The following PHEX variants were observed in gnomAD, a reference collection of about 807,000 sequenced individuals.
PHEX encodes phosphate-regulating neutral endopeptidase PHEX.
PHEX carries 16 observed loss-of-function variants against 68.0 expected under a neutral mutation model. That is an observed-to-expected ratio of 0.24 (90% CI 0.16 to 0.36). The LOEUF (loss-of-function observed/expected upper bound fraction) is 0.36, where lower values mean the gene tolerates loss of function less well. PHEX is among the 10% of genes least tolerant of loss of function. The pLI, the probability that PHEX is intolerant of heterozygous loss-of-function variation, is 1.00. For synonymous variants in PHEX, 208 were observed against 205.1 expected, an observed-to-expected ratio of 1.01 and a Z score of -0.12; for missense variants, 480 against 575.5, an observed-to-expected ratio of 0.83 and a Z score of 1.70.
intron 11 of PHEX, among the ~76,000 whole-genome samples, chrX:22,124,201 C>T (rs759906635): frequency 8.9e-6 from 1 of 111,858 alleles, no homozygotes; most frequent in South Asian, 3.7e-4. Flanking sequence ...CAAATATCAT[C>T]CGGTCCCAAT....
At chrX:22,109,751 ATTC>A (rs1569395745) in intron 9 of PHEX, among the ~76,000 whole-genome samples, 4 of 112,073 alleles carry the variant, frequency 3.6e-5, no homozygotes, top group Non-Finnish European at 5.6e-5. Context: ...GAGATCACAC[ATTC>A]TTCTGAGGTC....
intron 20 of PHEX, among the ~76,000 whole-genome samples, chrX:22,235,740 A>ATAGT (rs1181859044): frequency 1.8e-5 from 2 of 110,447 alleles, no homozygotes; most frequent in African/African-American, 6.8e-5. Flanking sequence ...CTTATCATAT[A>ATAGT]TAGTTAGTTA....
intron 20 of PHEX, among the ~76,000 whole-genome samples, chrX:22,237,014 G>A (rs1365259731): frequency 4.5e-5 from 5 of 112,248 alleles, no homozygotes; most frequent in Non-Finnish European, 9.4e-5. Context: ...TATCACTAGT[G>A]AGAAATTTAT....
At chrX:22,244,692 G>A (rs1254267107) in intron 20 of PHEX, among the ~76,000 whole-genome samples, 1 of 111,851 alleles carries the variant, frequency 8.9e-6, no homozygotes, top group Non-Finnish European at 1.9e-5. Flanking sequence ...AAAGACATAC[G>A]AGGATATGTG....
chrX:22,168,472 A>G (rs1339134535), intron 13 of PHEX, 83 bp downstream of exon 13: 6 of 624,792 alleles, frequency 9.6e-6, no homozygotes, highest in Admixed American at 2.3e-5. Context: ...AGTCCTAGCA[A>G]TTAAAACTGG....
chrX:22,161,706 T>C (rs150630993), intron 12 of PHEX, among the ~76,000 whole-genome samples: 7,039 of 111,431 alleles, frequency 0.063, 197 homozygotes, highest in Middle Eastern at 0.094. Context: ...ATTAGAAGAT[T>C]CTCTCAGCTA....
chrX:22,214,780 G>A lies in PHEX; in HGVS notation c.1700+1822G>A, dbSNP rs3830082. Among the ~76,000 whole-genome samples, 748 of 111,662 alleles carry A rather than the reference G, an allele frequency of 6.7e-3. 7 individuals carry two copies. The highest frequency in any genetic ancestry group is 0.052 in the Admixed American group (540 of 10,460). On this transcript the variant is annotated intron_variant, in intron 16 of 21. Coordinates refer to ENST00000379374, the MANE Select transcript of PHEX (RefSeq NM_000444.6). ...CAAAAATAGTGAGGGCTACGAGGAC[G>A]TGGGCAGCCATCGATAAAGCTTACT...
intron 12 of PHEX, among the ~76,000 whole-genome samples, chrX:22,146,591 C>A (rs965722333): frequency 9.0e-6 from 1 of 111,270 alleles, no homozygotes; most frequent in Non-Finnish European, 1.9e-5. Flanking sequence ...CTGAGGCAGG[C>A]GGATCACTTG....
Position 22,132,981 on chromosome X carries a change from G to A in PHEX, c.1303-542G>A, listed in dbSNP as rs758524128. 6.3e-5 allele frequency among the ~76,000 whole-genome samples: 7 copies of A among 110,551 alleles called. No homozygotes were observed. The South Asian group carries it at 2.8e-3, about 44-fold the overall frequency. ...GGCTCACTGCAACCTCCACCTCTTG[G>A]GCTCAAGCAATCCTCTCACTTCAGC... On this transcript the variant is annotated intron_variant, in intron 11 of 21. Coordinates refer to ENST00000379374, the MANE Select transcript of PHEX (RefSeq NM_000444.6).
chrX:22,168,369 G>T lies in PHEX; in HGVS notation c.1462G>T (p.Val488Phe). Residue 488 changes from valine to phenylalanine, a missense_variant, in exon 13 of 22, where the codon GTT becomes TTT. Transcript: ENST00000379374. ...AGAGTTTATAATGAATGATACTCAT[G>T]TTAATGAAGACCTCAAAGCTGTAAG... ...YPEFIMNDTH[V>F]NEDLKAIKFS... 1 of 1,180,256 alleles carries T rather than the reference G, an allele frequency of 8.5e-7. No homozygotes were observed. Among genetic ancestry groups the T allele is most frequent in the Middle Eastern group, 2.4e-4 (1 of 4,185 alleles).
At chrX:22,042,418 C>G (rs773982869) in intron 2 of PHEX, among the ~76,000 whole-genome samples, 1 of 111,994 alleles carries the variant, frequency 8.9e-6, no homozygotes, top group Admixed American at 9.5e-5. Context: ...TATATAGCCA[C>G]GCTAAGCCTC....
At chrX:22,215,128 T>C (rs2301325) in intron 16 of PHEX, among the ~76,000 whole-genome samples, 34,912 of 110,657 alleles carry the variant, frequency 0.32, 4,202 homozygotes, top group Middle Eastern at 0.37. Context: ...TCTGAAGTTA[T>C]TGATGAAGTA....
At position 22,226,473 on chromosome X, in the gene PHEX, A is replaced by G. The variant is rs1180774758; in HGVS notation, c.1930A>G (p.Ile644Val). The change falls in exon 19 of 22, where the codon ATT becomes GTT. Residue 644 changes from isoleucine to valine, a missense_variant. Transcript: ENST00000379374. ...VKGKRTLGEN[I>V]ADNGGLREAF... is the part of the protein sequence containing the mutation. ...GGGGAAGAGGACCCTGGGAGAAAAT[A>G]TTGCTGATAATGGAGGCCTGCGGGA... The G allele has an allele frequency of 8.3e-7, 1 of 1,204,499 alleles. No individual in the cohort carries two copies. The highest frequency in any genetic ancestry group is 1.8e-5 in the African/African-American group (1 of 56,624).
intron 7 of PHEX, among the ~76,000 whole-genome samples, chrX:22,096,461 C>T (rs1463133720): frequency 8.9e-6 from 1 of 111,778 alleles, no homozygotes; most frequent in Non-Finnish European, 1.9e-5. Context: ...GCCAAAGAGA[C>T]AAGAGGGGAA....
At chrX:22,235,097 C>T (rs968756145) in intron 20 of PHEX, among the ~76,000 whole-genome samples, 1 of 111,567 alleles carries the variant, frequency 9.0e-6, no homozygotes, top group African/African-American at 3.3e-5. Context: ...AATTCCCCGA[C>T]CCCTTGCACT....
intron 12 of PHEX, among the ~76,000 whole-genome samples, chrX:22,154,639 A>C (rs780769962): frequency 9.0e-6 from 1 of 111,612 alleles, no homozygotes; most frequent in Non-Finnish European, 1.9e-5. Context: ...CAATAGTGCC[A>C]AGGTTGAGAA....
chrX:22,184,069 C>T (rs1933957518), intron 14 of PHEX, among the ~76,000 whole-genome samples: 1 of 111,764 alleles, frequency 8.9e-6, no homozygotes, highest in South Asian at 3.7e-4. Flanking sequence ...AGCTCTTTCA[C>T]AAGGGTATTA....
intron 16 of PHEX, among the ~76,000 whole-genome samples, chrX:22,216,492 C>CTTGCTTATTTAT (rs1405603479): frequency 8.0e-5 from 7 of 88,041 alleles, no homozygotes; most frequent in African/African-American, 3.4e-4. Context: ...TTTTTTTATG[C>CTTGCTTATTTAT]TTATTTATTT....
intron 5 of PHEX, among the ~76,000 whole-genome samples, chrX:22,081,586 G>A (rs987304500): frequency 9.0e-6 from 1 of 111,650 alleles, no homozygotes; most frequent in South Asian, 3.8e-4. Flanking sequence ...ATCCTTTTGG[G>A]TGAGCAGATG....
Sources: gnomAD v4.1 joint callset for allele counts (sites outside exome capture counted in the v4.1 genomes callset) on GRCh38, gnomAD v4.1.1 for gene constraint, MANE v1.5 for transcripts, NCBI Gene and HGNC (gene_info 2026-07-23, HGNC 2026-07-21) for gene names.